GPR89B: variants seen among roughly 807,000 people sequenced by gnomAD.
GPR89B encodes the protein golgi pH regulator B, also known as G protein-coupled receptor 89B.
Under a neutral mutation model 52.4 loss-of-function variants are expected in GPR89B, and 25 were observed. The observed-to-expected ratio is 0.48, with a 90% CI of 0.35 to 0.67. GPR89B has a LOEUF of 0.67. Ranked by LOEUF, GPR89B falls within the 30% of genes least tolerant of loss-of-function variation. The pLI is 0.01. For synonymous variants in GPR89B, 52 were observed against 151.2 expected, an observed-to-expected ratio of 0.34 and a Z score of 4.81; for missense variants, 146 against 450.2, an observed-to-expected ratio of 0.32 and a Z score of 6.11.
At chr1:147,971,702 G>A (rs1471900379) in intron 10 of GPR89B, among the ~76,000 whole-genome samples, 4 of 148,310 alleles carry the variant, frequency 2.7e-5, no homozygotes, top group African/African-American at 7.5e-5. Context: ...GGATGGTCTC[G>A]ATCTCCTGAC....
intron 12 of GPR89B, among the ~76,000 whole-genome samples, chr1:147,989,789 C>T (rs1328473888): frequency 6.6e-6 from 1 of 152,122 alleles, no homozygotes; most frequent in Admixed American, 6.5e-5. Flanking sequence ...GGATAGTATT[C>T]CATGGTGTAT....
At chr1:147,951,360 TA>T (rs782387131) in intron 5 of GPR89B, among the ~76,000 whole-genome samples, 16 of 152,160 alleles carry the variant, frequency 1.1e-4, no homozygotes, top group Non-Finnish European at 2.2e-4. Context: ...TTACAATTAC[TA>T]GTGAAAGTAA....
chr1:148,009,434 C>T, the GPR89B span: 1 of 1,607,096 alleles, frequency 6.2e-7, no homozygotes, highest in African/African-American at 1.3e-5. Context: ...CACCTCCATT[C>T]ATCACAGGGG....
At chr1:147,951,472 A>G (rs1320343059) in intron 5 of GPR89B, among the ~76,000 whole-genome samples, 1 of 152,072 alleles carries the variant, frequency 6.6e-6, no homozygotes, top group South Asian at 2.1e-4. Context: ...AACTTCTTTT[A>G]AGAAGCCTGT....
At chr1:147,944,816 T>G (rs1194190493) in intron 5 of GPR89B, among the ~76,000 whole-genome samples, 1 of 145,920 alleles carries the variant, frequency 6.9e-6, no homozygotes, top group Non-Finnish European at 1.5e-5. Flanking sequence ...TCTAAAAAGA[T>G]TAGAGAATCT....
chr1:148,015,245 C>CT, the GPR89B span, among the ~76,000 whole-genome samples: 1 of 144,638 alleles, frequency 6.9e-6, no homozygotes, highest in Non-Finnish European at 1.5e-5. Context: ...TCCTCCGTGT[C>CT]TCCCATACGA....
chr1:148,008,601 A>T, the GPR89B span, among the ~76,000 whole-genome samples: 10 of 152,346 alleles, frequency 6.6e-5, no homozygotes, highest in East Asian at 1.9e-3. Flanking sequence ...CGACCAGCTA[A>T]CACAGCTCCT....
intron 7 of GPR89B, among the ~76,000 whole-genome samples, chr1:147,955,151 A>C (rs1203169924): frequency 2.0e-5 from 3 of 151,858 alleles, no homozygotes; most frequent in African/African-American, 4.9e-5. Flanking sequence ...AAGTGAGAAC[A>C]TGCAGTATTT....
intron 5 of GPR89B, among the ~76,000 whole-genome samples, chr1:147,949,917 G>GC (rs1655453073): frequency 7.5e-6 from 1 of 133,012 alleles, no homozygotes; most frequent in African/African-American, 3.1e-5. Context: ...GGCTGGCCGG[G>GC]CGGGGGGCTG....
the GPR89B span, among the ~76,000 whole-genome samples, chr1:148,017,063 A>T: frequency 6.6e-6 from 1 of 150,758 alleles, no homozygotes; most frequent in Non-Finnish European, 1.5e-5. Context: ...CTTTTTTTGG[A>T]TGGAGTCTCA....
intron 7 of GPR89B, among the ~76,000 whole-genome samples, chr1:147,962,742 C>G (rs1656691169): frequency 6.6e-6 from 1 of 151,232 alleles, no homozygotes; most frequent in African/African-American, 2.4e-5. Context: ...ACTAAAAATA[C>G]AAAAAATTAG....
At chr1:147,929,105 G>GTGTCAGTGCAAAAACGAAACCTTATAC in intron 1 of GPR89B, 1 of 844,838 alleles carries the variant, frequency 1.2e-6, no homozygotes, top group Non-Finnish European at 1.4e-6. Context: ...AAAGTATAAG[G>GTGTCAGTGCAAAAACGAAACCTTATAC]TTTCGTTTTT....
At chr1:147,990,224 G>C (rs1658960346) in intron 12 of GPR89B, among the ~76,000 whole-genome samples, 1 of 152,202 alleles carries the variant, frequency 6.6e-6, no homozygotes, top group African/African-American at 2.4e-5. Context: ...GTGATGATCA[G>C]CATTTTTCCA....
At chr1:147,949,207 G>A (rs1358073384) in intron 5 of GPR89B, among the ~76,000 whole-genome samples, 13 of 152,096 alleles carry the variant, frequency 8.5e-5, no homozygotes, top group African/African-American at 1.9e-4. Flanking sequence ...TCCTTTCCCC[G>A]CCTTTCCCCC....
intron 10 of GPR89B, among the ~76,000 whole-genome samples, chr1:147,975,907 T>G (rs1209676395): frequency 1.6e-4 from 24 of 152,128 alleles, no homozygotes; most frequent in Non-Finnish European, 2.6e-4. Context: ...CTTAATTTCA[T>G]TATTTACCGA....
chr1:147,992,454 C>G (rs1659138145), intron 12 of GPR89B, 48 bp from the exon 13 acceptor site: 14 of 1,597,840 alleles, frequency 8.8e-6, no homozygotes. Context: ...GTTCGTGACA[C>G]AGGAATCTAA....
At chr1:148,021,810 G>A in the GPR89B span, 1 of 148,854 alleles carries the variant, frequency 6.7e-6, no homozygotes, top group Non-Finnish European at 1.5e-5. Context: ...TGGTGGGGAG[G>A]CCATGGCAAT....
chr1:147,956,858 C>T (rs1401568498), intron 7 of GPR89B, among the ~76,000 whole-genome samples: 3 of 151,832 alleles, frequency 2.0e-5, no homozygotes, highest in African/African-American at 7.3e-5. Context: ...CTGCCTCAGC[C>T]TCCCGAGTAT....
intron 10 of GPR89B, among the ~76,000 whole-genome samples, chr1:147,985,320 CCTTTTA>C (rs1240953984): frequency 3.3e-5 from 5 of 151,714 alleles, no homozygotes; most frequent in South Asian, 2.1e-4. Context: ...ATTTTTCTGT[CCTTTTA>C]CTTTTAACCT....
Sources: gnomAD v4.1 joint callset for allele counts (sites outside exome capture counted in the v4.1 genomes callset) on GRCh38, gnomAD v4.1.1 for gene constraint, MANE v1.5 for transcripts, NCBI Gene and HGNC (gene_info 2026-07-23, HGNC 2026-07-21) for gene names.